LCT: variants seen among roughly 807,000 people sequenced by gnomAD.
LCT encodes the protein lactase/phlorizin hydrolase.
In LCT, 90 loss-of-function variants were observed where a neutral mutation model predicts 173.0. The ratio of observed to expected loss-of-function variants is 0.52; its 90% CI spans 0.44 to 0.62. The LOEUF (loss-of-function observed/expected upper bound fraction) is 0.62. Among genes scored for constraint, LCT ranks in the 20% least tolerant of loss-of-function variants. The probability of loss-of-function intolerance (pLI) is 0.00; values close to 1 mark genes in which losing one functional copy is unlikely to be tolerated. For synonymous variants in LCT, 853 were observed against 957.6 expected (o/e 0.89, Z 2.02); for missense variants, 1,864 against 2,431.4 (o/e 0.77, Z 4.91).
rs116951780 is a variant in LCT, at chr2:135,809,584, C to T, written c.2763G>A (p.Ala921=). The change falls in exon 8 of 17, where the codon GCG becomes GCA. Residue 921 remains alanine (A), a synonymous_variant. Coordinates refer to ENST00000264162, the MANE Select transcript of LCT (RefSeq NM_002299.4). The surrounding 1 kb of genome is among the most constrained non-coding windows in gnomAD (Gnocchi z 5.5). The stretch of plus-strand genomic sequence containing the variant: ...TGGGGCCTTTGCCATCGGCATCCCA[C>T]GCGCCTTCAATCTGATAAGCGGAAG... The part of the protein sequence containing the change: ...VSSSAYQIEG[A]WDADGKGPSI... 6,449 of 1,614,198 alleles carry T rather than the reference C, an allele frequency of 4.0e-3. 63 individuals carry two copies. The highest frequency in any genetic ancestry group is 0.02 in the South Asian group (1,846 of 91,082).
At position 135,790,716 on chromosome 2, in the gene LCT, G is replaced by A. The variant is rs774993628; in HGVS notation, c.5277C>T (p.Asp1759=). The A allele has an allele frequency of 6.2e-7, 1 of 1,613,672 alleles. No individual in the cohort carries two copies. The highest frequency in any genetic ancestry group is 1.1e-5 in the South Asian group (1 of 91,064). Residue 1759 remains aspartate (D), a synonymous_variant, in exon 15 of 17, where the codon GAC becomes GAT. Transcript: ENST00000264162. This position sits in a 1 kb window ranked among gnomAD's most constrained non-coding sequence, Gnocchi z 4.1. ...ENGVSQREET[D]LNDTARIYYL... ...AGTAGATCCTTGCAGTGTCATTGAG[G>A]TCTGTTTCTTCCCGCTGGGACACTC...
chr2:135,797,163 G>A (rs574881839), intron 13 of LCT, among the ~76,000 whole-genome samples: 8 of 152,046 alleles, frequency 5.3e-5, no homozygotes, highest in Non-Finnish European at 1.2e-4. Flanking sequence ...GGCCAGCCTG[G>A]TCTTGAACTC....
In LCT at chr2:135,835,976, G is replaced by GTATATAAA. The variant is rs1553436125; in HGVS notation, c.640+553_640+554insTTTATATA. 9.2e-3 allele frequency among the ~76,000 whole-genome samples: 737 copies of GTATATAAA among 80,378 alleles called. 76 individuals carry two copies. Among genetic ancestry groups the GTATATAAA allele is most frequent in the African/African-American group, 0.047 (697 of 14,958 alleles). 52.7% of individuals were successfully genotyped at this position (80,378 alleles called of 152,430 possible). A position where few individuals can be genotyped will look rare whatever the true frequency, so the allele number is the denominator to read the frequency against. On this transcript the variant is annotated intron_variant, in intron 1 of 16. Transcript: ENST00000264162. The stretch of plus-strand genomic sequence containing the variant: ...AGGGGTATTTCAAAAATACATGTGT[G>GTATATAAA]TATATATATATATATATATATATAT...
At chr2:135,833,262 G>T (rs758251225) in intron 1 of LCT, 72 bp from the exon 2 acceptor site, 1 of 1,039,000 alleles carries the variant, frequency 9.6e-7, no homozygotes, top group Non-Finnish European at 1.5e-6. Flanking sequence ...ACCACTGGGG[G>T]ATTCATTTCC....
chr2:135,799,469 C>T (rs1257927063), intron 12 of LCT, among the ~76,000 whole-genome samples: 1 of 151,490 alleles, frequency 6.6e-6, no homozygotes, highest in Non-Finnish European at 1.5e-5. Flanking sequence ...GCCATGCTGG[C>T]ACCTGCTTCC....
intron 5 of LCT, 193 bp downstream of exon 5, chr2:135,821,827 C>T (rs1385550516): frequency 1.6e-5 from 9 of 580,582 alleles, no homozygotes; most frequent in Non-Finnish European, 2.8e-5. Context: ...GAAAGCAGAA[C>T]CTCGTGAGTC....
rs376646025 is a variant in LCT, at chr2:135,809,245, C to T, written c.3102G>A (p.Glu1034=). Residue 1034 remains glutamate, a synonymous_variant, in exon 8 of 17, where the codon GAG becomes GAA. Transcript: ENST00000264162. The surrounding 1 kb of genome is among the most constrained non-coding windows in gnomAD (Gnocchi z 5.5). The stretch of plus-strand genomic sequence containing the variant: ...CAAACAAGTCAATCAAGGCAGGATT[C>T]TCCCAGCCTCCGATATCCTGGAGGG... The part of the protein sequence containing the change: ...PQALQDIGGW[E]NPALIDLFDS... The T allele has an allele frequency of 3.8e-5, 62 of 1,614,084 alleles. No individual in the cohort carries two copies. In the African/African-American group the frequency reaches 7.3e-4, roughly 19 times the overall value.
At chr2:135,811,765 G>A (rs1246266976) in intron 7 of LCT, among the ~76,000 whole-genome samples, 2 of 150,582 alleles carry the variant, frequency 1.3e-5, no homozygotes, top group Admixed American at 1.3e-4. Context: ...TGGGCAGAAT[G>A]TAGAGGGAGG....
intron 11 of LCT, among the ~76,000 whole-genome samples, chr2:135,803,474 C>T (rs990533286): frequency 5.3e-5 from 8 of 152,244 alleles, no homozygotes; most frequent in Admixed American, 2.6e-4. Flanking sequence ...TGCAGCAGAA[C>T]TTAGGAATGT....
chr2:135,804,662 G>A (rs2077653894), intron 10 of LCT, 105 bp downstream of exon 10: 1 of 1,133,386 alleles, frequency 8.8e-7, no homozygotes, highest in Non-Finnish European at 1.3e-6. Context: ...AACAACAAAA[G>A]CTAAATTTGA....
Position 135,804,799 on chromosome 2 carries a change from C to T in LCT, c.4432G>A (p.Asp1478Asn), listed in dbSNP as rs1344262133. Residue 1478 changes from aspartate (D) to asparagine (N), a missense_variant, in exon 10 of 17, where the codon GAT becomes AAT. Asp to Asn is a conservative substitution (Grantham distance 23). Transcript: ENST00000264162. ...AGLNYYVRLI[D>N]TLLAASIQPQ... ...TGGATGCTGGCGGCCAGCAGTGTATCGATGAGCCTCACGTAGTAGTTCAGG... is the reference window on the plus strand; with the variant it reads ...TGGATGCTGGCGGCCAGCAGTGTATTGATGAGCCTCACGTAGTAGTTCAGG... The T allele has an allele frequency of 6.2e-6, 10 of 1,613,242 alleles. No homozygotes were observed. Among genetic ancestry groups the T allele is most frequent in the South Asian group, 3.3e-5 (3 of 91,022 alleles).
chr2:135,809,753 G>A lies in LCT; in HGVS notation c.2594C>T (p.Ser865Phe), dbSNP rs1310024345. Residue 865 changes from serine to phenylalanine, a missense_variant, in exon 8 of 17, where the codon TCC (serine) becomes TTC (phenylalanine). Coordinates refer to ENST00000264162, the MANE Select transcript of LCT (RefSeq NM_002299.4). This position sits in a 1 kb window ranked among gnomAD's most constrained non-coding sequence, Gnocchi z 5.5. ...TGGAAAAGTGAAGGCTCTGACTTTG[G>A]AGGGGAGGTTTACTGTATTAGGTGG... ...LLPPNTVNLP[S>F]KVRAFTFPSE... 1 of 1,614,222 alleles carries A rather than the reference G, an allele frequency of 6.2e-7. No homozygotes were observed.
intron 6 of LCT, among the ~76,000 whole-genome samples, chr2:135,816,399 T>A (rs1219291149): frequency 2.0e-5 from 3 of 152,088 alleles, no homozygotes; most frequent in African/African-American, 7.2e-5. Flanking sequence ...ACAGGGACAC[T>A]TCTGTTGGGA....
intron 1 of LCT, among the ~76,000 whole-genome samples, chr2:135,834,787 C>CAAAAA (rs60298631): frequency 0.026 from 892 of 34,012 alleles, 91 homozygotes; most frequent in Middle Eastern, 0.17. Flanking sequence ...GACTCCATCT[C>CAAAAA]AAAAAAAAAA....
chr2:135,817,848 G>A lies in LCT; in HGVS notation c.1200C>T (p.Gly400=). 2 of 1,614,068 alleles carry A rather than the reference G, an allele frequency of 1.2e-6. No homozygotes were observed. Among genetic ancestry groups the A allele is most frequent in the Non-Finnish European group, 8.5e-7 (1 of 1,180,026 alleles). The change falls in exon 6 of 17, where the codon GGC becomes GGT. Residue 400 remains glycine (G), a synonymous_variant. Transcript: ENST00000264162. ...TCACCCCTCTCCCACCCTCGGCCCA[G>A]CCTCCTTCCACGTTAAAGGCTCCTG... The part of the protein sequence containing the change: ...ASTGAFNVEG[G]WAEGGRGVSI...
At position 135,790,963 on chromosome 2, in the gene LCT, G is replaced by T; in HGVS notation, c.5112-82C>A. On this transcript the variant is annotated intron_variant, in intron 14 of 16. Coordinates refer to ENST00000264162, the MANE Select transcript of LCT (RefSeq NM_002299.4). The surrounding 1 kb of genome is among the most constrained non-coding windows in gnomAD (Gnocchi z 4.1). ...TACACGAAACACAAAACAGGACTTA[G>T]ACCAGGAAAAGCCTTAGGTTTTGTC... The T allele has an allele frequency of 9.6e-7, 1 of 1,041,712 alleles. No homozygotes were observed. Among genetic ancestry groups the T allele is most frequent in the Non-Finnish European group, 1.5e-6 (1 of 668,838 alleles). 64.5% of individuals were successfully genotyped at this position (1,041,712 alleles called of 1,614,324 possible).
intron 1 of LCT, among the ~76,000 whole-genome samples, chr2:135,836,017 T>TATAC (rs1679352982): frequency 8.5e-5 from 1 of 11,804 alleles, no homozygotes; most frequent in African/African-American, 1.4e-4. Context: ...TATATATATG[T>TATAC]ATACATATTT....
intron 5 of LCT, among the ~76,000 whole-genome samples, chr2:135,818,409 A>G (rs1485796222): frequency 6.6e-6 from 1 of 152,202 alleles, no homozygotes; most frequent in Non-Finnish European, 1.5e-5. Context: ...AATGACTCCA[A>G]TTTATTGAGC....
At chr2:135,795,971 G>A (rs1387523806) in intron 13 of LCT, among the ~76,000 whole-genome samples, 2 of 152,048 alleles carry the variant, frequency 1.3e-5, no homozygotes, top group Non-Finnish European at 2.9e-5. Flanking sequence ...ATATTGCCCA[G>A]GCTGGTCTTG....
Sources: gnomAD v4.1 joint callset for allele counts (sites outside exome capture counted in the v4.1 genomes callset) on GRCh38, gnomAD v4.1.1 for gene constraint, Gnocchi (gnomAD v3.1) non-coding constraint, MANE v1.5 for transcripts, NCBI Gene and HGNC (gene_info 2026-07-23, HGNC 2026-07-21) for gene names.